NT5C2: variants seen among roughly 807,000 people sequenced by gnomAD.
NT5C2 encodes cytosolic purine 5'-nucleotidase.
In NT5C2, 58 loss-of-function variants were observed where a neutral mutation model predicts 76.1. That is an observed-to-expected ratio of 0.76 (90% CI 0.62 to 0.95). NT5C2 has a LOEUF of 0.95. NT5C2 is among the 40% of genes least tolerant of loss of function. The pLI is 0.00. For missense variants in NT5C2, 478 were observed against 690.3 expected (o/e 0.69, Z 3.45); for synonymous variants, 229 against 237.4 (o/e 0.96, Z 0.32).
At chr10:103,142,462 G>A (rs1412680768) in intron 3 of NT5C2, among the ~76,000 whole-genome samples, 3 of 152,058 alleles carry the variant, frequency 2.0e-5, no homozygotes, top group Non-Finnish European at 4.4e-5. Context: ...CTTGAGCACA[G>A]GAGTTCGAAA....
In NT5C2 at chr10:103,091,547, A is replaced by T. The variant is rs2066896443; in HGVS notation, c.1211+17T>A. On this transcript the variant is annotated intron_variant, in intron 16 of 18. Coordinates refer to ENST00000404739, the MANE Select transcript of NT5C2 (RefSeq NM_001351169.2). ...TCCTGAGTAAGTTTTTGGGAAAGAA[A>T]TTTTTAGAAAACTTACTTGTAGAGT... 1 of 1,601,898 alleles carries T rather than the reference A, an allele frequency of 6.2e-7. No homozygotes were observed. The highest frequency in any genetic ancestry group is 8.5e-7 in the Non-Finnish European group (1 of 1,170,206).
At position 103,136,626 on chromosome 10, in the gene NT5C2, A is replaced by ATTTTT. The variant is rs71019660; in HGVS notation, c.175+2775_175+2779dup. On this transcript the variant is annotated intron_variant, in intron 4 of 18. Coordinates refer to ENST00000404739, the MANE Select transcript of NT5C2 (RefSeq NM_001351169.2). Reference sequence around the variant, plus strand: ...AGTTTAGAGACAGATTCAGTTAATTATTTTTTTTTTTTTTTTGAGACACGG... The same window carrying ATTTTT: ...AGTTTAGAGACAGATTCAGTTAATTATTTTTTTTTTTTTTTTTTTTTGAGACACGG... 1.2e-3 allele frequency among the ~76,000 whole-genome samples: 176 copies of ATTTTT among 143,016 alleles called. 1 individual carries two copies. Among genetic ancestry groups the ATTTTT allele is most frequent in the Non-Finnish European group, 2.2e-3 (147 of 65,466 alleles). 93.8% of individuals were successfully genotyped at this position (143,016 alleles called of 152,430 possible). A position where few individuals can be genotyped will look rare whatever the true frequency, so the allele number is the denominator to read the frequency against.
chr10:103,090,058 T>C, intron 18 of NT5C2, 150 bp from the exon 19 acceptor site: 1 of 534,158 alleles, frequency 1.9e-6, no homozygotes, highest in Non-Finnish European at 3.2e-6. Flanking sequence ...TTCATAGAAC[T>C]ACTTATAGTT....
chr10:103,171,689 C>G (rs2088052435), intron 3 of NT5C2, among the ~76,000 whole-genome samples: 2 of 152,150 alleles, frequency 1.3e-5, no homozygotes, highest in African/African-American at 4.8e-5. Flanking sequence ...TATCTACTCC[C>G]AAGGACCCTA....
At chr10:103,110,351 G>A (rs2072654197) in intron 4 of NT5C2, among the ~76,000 whole-genome samples, 1 of 152,160 alleles carries the variant, frequency 6.6e-6, no homozygotes, top group South Asian at 2.1e-4. Flanking sequence ...AGCTACTTAG[G>A]AGGCTGAGGC....
chr10:103,135,553 T>A (rs1330998472), intron 4 of NT5C2, among the ~76,000 whole-genome samples: 1 of 151,712 alleles, frequency 6.6e-6, no homozygotes, highest in African/African-American at 2.4e-5. Flanking sequence ...GGCAGGCAGA[T>A]CACCTGAGGT....
At chr10:103,127,451 G>A (rs1032865315) in intron 4 of NT5C2, among the ~76,000 whole-genome samples, 1 of 152,136 alleles carries the variant, frequency 6.6e-6, no homozygotes, top group Admixed American at 6.5e-5. Flanking sequence ...AAATATTTGT[G>A]GCATTAGGCT....
intron 4 of NT5C2, among the ~76,000 whole-genome samples, chr10:103,129,106 G>A (rs2077360821): frequency 8.2e-6 from 1 of 121,970 alleles, no homozygotes; most frequent in Non-Finnish European, 1.8e-5. Context: ...GGCCAGCCGT[G>A]CCGTCCGGGA....
intron 3 of NT5C2, among the ~76,000 whole-genome samples, chr10:103,142,986 CAAAAA>C (rs371773086): frequency 6.0e-5 from 3 of 50,348 alleles, no homozygotes. Flanking sequence ...AAGATTCCAT[CAAAAA>C]AAAAAAAAAA....
intron 3 of NT5C2, among the ~76,000 whole-genome samples, chr10:103,172,743 GA>G (rs2088545441): frequency 6.6e-6 from 1 of 152,312 alleles, no homozygotes; most frequent in East Asian, 1.9e-4. Context: ...GCTGAGGCAT[GA>G]GAATTGCTTG....
At chr10:103,098,305 T>A (rs192363047) in intron 10 of NT5C2, 110 of 258,028 alleles carry the variant, frequency 4.3e-4, no homozygotes, top group East Asian at 7.9e-4. Flanking sequence ...ACAGATTTTT[T>A]AAAAAATTTT....
intron 3 of NT5C2, among the ~76,000 whole-genome samples, chr10:103,151,113 T>C (rs1030541786): frequency 5.3e-5 from 8 of 152,124 alleles, no homozygotes; most frequent in Non-Finnish European, 2.9e-5. Flanking sequence ...AGGGTCAAGG[T>C]TCATTTTTTT....
At chr10:103,160,393 T>C (rs2084538259) in intron 3 of NT5C2, among the ~76,000 whole-genome samples, 1 of 152,092 alleles carries the variant, frequency 6.6e-6, no homozygotes, top group South Asian at 2.1e-4. Flanking sequence ...CATACATAAA[T>C]TGGACTTCAC....
intron 6 of NT5C2, among the ~76,000 whole-genome samples, chr10:103,102,679 G>C (rs991212809): frequency 1.3e-5 from 2 of 152,026 alleles, no homozygotes; most frequent in Middle Eastern, 3.2e-3. Flanking sequence ...GAACATTAAA[G>C]AGTCAAAGAT....
chr10:103,154,905 C>T (rs779363159), intron 3 of NT5C2, among the ~76,000 whole-genome samples: 1 of 152,148 alleles, frequency 6.6e-6, no homozygotes, highest in Non-Finnish European at 1.5e-5. Context: ...AGATTTTCAG[C>T]TTGTGGTATC....
intron 3 of NT5C2, chr10:103,153,251 C>A: frequency 7.9e-7 from 1 of 1,259,992 alleles, no homozygotes; most frequent in Non-Finnish European, 1.0e-6. Context: ...TACCTCTTCA[C>A]TGAGAAAAAT....
At chr10:103,097,523 C>A in intron 10 of NT5C2, 149 bp from the exon 11 acceptor site, 1 of 635,584 alleles carries the variant, frequency 1.6e-6, no homozygotes, top group East Asian at 2.7e-5. Context: ...TAAAAGCCCA[C>A]ATTATCACTA....
intron 10 of NT5C2, chr10:103,098,366 ACT>A (rs758366050): frequency 5.0e-5 from 12 of 238,228 alleles, no homozygotes; most frequent in East Asian, 1.6e-4. Context: ...TTTCCTCATT[ACT>A]CTCTGTTGAC....
intron 1 of NT5C2, among the ~76,000 whole-genome samples, chr10:103,183,619 CATAT>C (rs370669820): frequency 6.8e-6 from 1 of 146,124 alleles, no homozygotes; most frequent in African/African-American, 2.5e-5. Flanking sequence ...GGGTTCACGC[CATAT>C]ATATATATAT....
Sources: gnomAD v4.1 joint callset for allele counts (sites outside exome capture counted in the v4.1 genomes callset) on GRCh38, gnomAD v4.1.1 for gene constraint, MANE v1.5 for transcripts, NCBI Gene and HGNC (gene_info 2026-07-23, HGNC 2026-07-21) for gene names.